PTPRD: variants seen among roughly 807,000 people sequenced by gnomAD.
The protein encoded by PTPRD is protein tyrosine phosphatase receptor type D.
PTPRD carries 34 observed loss-of-function variants against 214.5 expected under a neutral mutation model. That is an observed-to-expected ratio of 0.16 (90% CI 0.12 to 0.21). The LOEUF is 0.21. Among genes scored for constraint, PTPRD ranks in the 10% least tolerant of loss-of-function variants. The pLI is 1.00. For synonymous variants in PTPRD, 1,128 were observed against 845.7 expected (o/e 1.33, Z -5.79); for missense variants, 2,545 against 2,398.7 (o/e 1.06, Z -1.27).
intron 12 of PTPRD, among the ~76,000 whole-genome samples, chr9:8,682,406 G>A (rs893664922): frequency 6.9e-6 from 1 of 144,144 alleles, no homozygotes. Flanking sequence ...AAATGTTTGG[G>A]GGGATACATA....
chr9:8,933,339 G>GTTTTTTTTTTTTTTTTTTTTTTT (rs1567089304), intron 11 of PTPRD, among the ~76,000 whole-genome samples: 4 of 68,802 alleles, frequency 5.8e-5, no homozygotes, highest in Non-Finnish European at 7.2e-5. Context: ...ACAACCTTGA[G>GTTTTTTTTTTTTTTTTTTTTTTT]GTTTTTTTTT....
At chr9:9,072,984 C>T (rs139791127) in intron 10 of PTPRD, among the ~76,000 whole-genome samples, 4 of 152,206 alleles carry the variant, frequency 2.6e-5, no homozygotes, top group African/African-American at 7.2e-5. Context: ...GAGAGATTTT[C>T]GATTTGAGGA....
At chr9:9,656,479 C>A (rs2096517286) in intron 7 of PTPRD, among the ~76,000 whole-genome samples, 1 of 152,116 alleles carries the variant, frequency 6.6e-6, no homozygotes, top group Non-Finnish European at 1.5e-5. Context: ...AAATTAAATA[C>A]ATATCACTAA....
intron 3 of PTPRD, among the ~76,000 whole-genome samples, chr9:10,278,549 T>C (rs1266543171): frequency 1.3e-5 from 2 of 152,276 alleles, no homozygotes; most frequent in Non-Finnish European, 2.9e-5. Context: ...AAAGAACTCA[T>C]GTGTGTGCCT....
chr9:9,904,915 T>A (rs1187156658), intron 5 of PTPRD, among the ~76,000 whole-genome samples: 1 of 152,072 alleles, frequency 6.6e-6, no homozygotes, highest in Non-Finnish European at 1.5e-5. Flanking sequence ...AAAGTGCCTT[T>A]AATCTGTCCC....
chr9:10,268,919 G>C (rs889592522), intron 3 of PTPRD, among the ~76,000 whole-genome samples: 18 of 152,272 alleles, frequency 1.2e-4, no homozygotes, highest in African/African-American at 3.1e-4. Context: ...TTGTTGTCCT[G>C]TGCGTTGTAG....
chr9:9,797,243 G>GTTT (rs56375104), intron 5 of PTPRD, among the ~76,000 whole-genome samples: 18,529 of 97,436 alleles, frequency 0.19, 1,784 homozygotes, highest in African/African-American at 0.28. Context: ...ATTTCAGGCA[G>GTTT]TTTTTTTTTT....
intron 11 of PTPRD, among the ~76,000 whole-genome samples, chr9:8,838,462 A>G (rs2097486539): frequency 6.6e-6 from 1 of 152,156 alleles, no homozygotes; most frequent in Non-Finnish European, 1.5e-5. Flanking sequence ...CAATTCTAAA[A>G]TCAACTAACA....
intron 5 of PTPRD, among the ~76,000 whole-genome samples, chr9:9,822,038 T>C (rs1291955515): frequency 1.3e-5 from 2 of 151,694 alleles, no homozygotes; most frequent in African/African-American, 4.8e-5. Context: ...TATCTGTACA[T>C]TTGCCAAAGG....
At chr9:8,373,548 T>C (rs2082156293) in intron 39 of PTPRD, among the ~76,000 whole-genome samples, 1 of 151,910 alleles carries the variant, frequency 6.6e-6, no homozygotes, top group Non-Finnish European at 1.5e-5. Flanking sequence ...TGTTTCCTTA[T>C]TTCTCCTGAG....
intron 7 of PTPRD, among the ~76,000 whole-genome samples, chr9:9,648,951 G>T (rs547619219): frequency 1.9e-4 from 29 of 152,122 alleles, no homozygotes; most frequent in African/African-American, 6.7e-4. Context: ...CAGAAAAACC[G>T]GCTCACCAAG....
intron 3 of PTPRD, among the ~76,000 whole-genome samples, chr9:10,083,448 C>T (rs1195996448): frequency 6.6e-6 from 1 of 151,996 alleles, no homozygotes; most frequent in Non-Finnish European, 1.5e-5. Flanking sequence ...AATAGATATA[C>T]TTCTGAATCA....
At chr9:8,921,483 A>G (rs754728801) in intron 11 of PTPRD, among the ~76,000 whole-genome samples, 2 of 151,532 alleles carry the variant, frequency 1.3e-5, no homozygotes, top group Non-Finnish European at 2.9e-5. Flanking sequence ...TATTTTTTCA[A>G]AAGTTTTCGC....
chr9:8,620,633 A>T (rs1461264207), intron 14 of PTPRD, among the ~76,000 whole-genome samples: 19 of 151,698 alleles, frequency 1.3e-4, no homozygotes, highest in Admixed American at 1.3e-3. Flanking sequence ...GTGGCAGGGA[A>T]TCCTGTGTAA....
chr9:10,570,561 C>G (rs138302311), intron 2 of PTPRD, among the ~76,000 whole-genome samples: 4 of 152,004 alleles, frequency 2.6e-5, no homozygotes, highest in Non-Finnish European at 4.4e-5. Context: ...TGGAAAAATG[C>G]ACACACATAC....
chr9:9,675,173 T>A (rs1200847781), intron 7 of PTPRD, among the ~76,000 whole-genome samples: 1 of 151,944 alleles, frequency 6.6e-6, no homozygotes, highest in Admixed American at 6.6e-5. Flanking sequence ...TCTGTATACG[T>A]TTAAATACTC....
intron 7 of PTPRD, among the ~76,000 whole-genome samples, chr9:9,636,388 A>T (rs966456387): frequency 6.6e-6 from 1 of 152,204 alleles, no homozygotes; most frequent in South Asian, 2.1e-4. Context: ...ATAATATTAG[A>T]TAATTACTTT....
At chr9:9,163,459 T>C (rs1044567989) in intron 10 of PTPRD, among the ~76,000 whole-genome samples, 1 of 152,046 alleles carries the variant, frequency 6.6e-6, no homozygotes, top group African/African-American at 2.4e-5. Context: ...TTAGTTTCTA[T>C]TGTCAAATTG....
At chr9:9,102,864 G>A (rs2154442711) in intron 10 of PTPRD, among the ~76,000 whole-genome samples, 1 of 152,286 alleles carries the variant, frequency 6.6e-6, no homozygotes, top group Non-Finnish European at 1.5e-5. Flanking sequence ...AGCAAAATTT[G>A]TGAATTGCTA....
Sources: gnomAD v4.1 joint callset for allele counts (sites outside exome capture counted in the v4.1 genomes callset) on GRCh38, gnomAD v4.1.1 for gene constraint, MANE v1.5 for transcripts, NCBI Gene and HGNC (gene_info 2026-07-23, HGNC 2026-07-21) for gene names.